Variants in CRB1 observed in about 807,000 individuals in gnomAD.
CRB1 encodes crumbs cell polarity complex component 1, also known as protein crumbs homolog 1.
A neutral mutation model predicts 120.0 loss-of-function variants in CRB1; 83 were observed. The observed-to-expected ratio is 0.69, with a 90% CI of 0.58 to 0.83. The LOEUF (loss-of-function observed/expected upper bound fraction) is 0.83, where lower values mean the gene tolerates loss of function less well. CRB1 is among the 40% of genes least tolerant of loss of function. The pLI, the probability that CRB1 is intolerant of heterozygous loss-of-function variation, is 0.00. For synonymous variants in CRB1, 625 were observed against 612.5 expected (o/e 1.02, Z -0.30); for missense variants, 1,699 against 1,687.6 (o/e 1.01, Z -0.12).
At chr1:197,418,159 C>T (rs1664103810) in intron 5 of CRB1, among the ~76,000 whole-genome samples, 1 of 151,990 alleles carries the variant, frequency 6.6e-6, no homozygotes, top group Admixed American at 6.5e-5. Flanking sequence ...ATAGTTTTAC[C>T]CTCAATCAAA....
At chr1:197,464,482 T>A (rs1365292250) in intron 11 of CRB1, among the ~76,000 whole-genome samples, 1 of 152,080 alleles carries the variant, frequency 6.6e-6, no homozygotes, top group Non-Finnish European at 1.5e-5. Context: ...GTATTTTTTT[T>A]TTTAAAGGGG....
Position 197,435,136 on chromosome 1 carries a change from G to A in CRB1, c.3273G>A (p.Lys1091=), listed in dbSNP as rs2125499953. 5 of 1,613,842 alleles carry A rather than the reference G, an allele frequency of 3.1e-6. No individual in the cohort carries two copies. Among genetic ancestry groups the A allele is most frequent in the African/African-American group, 1.3e-5 (1 of 75,008 alleles). The part of the protein sequence containing the change: ...YVGDRAIDNI[K]GLQGCLSTIE... ...GAGACAGAGCTATTGACAATATAAA[G>A]GGCCTGCAAGGGTGTCTAAGTACAA... is the stretch of plus-strand genomic sequence containing the variant. Residue 1091 remains lysine (K), a synonymous_variant, in exon 9 of 12, where the codon AAG becomes AAA. Coordinates refer to ENST00000367400, the MANE Select transcript of CRB1 (RefSeq NM_201253.3).
intron 1 of CRB1, among the ~76,000 whole-genome samples, chr1:197,320,812 AAATT>A (rs1402022500): frequency 6.6e-6 from 1 of 152,240 alleles, no homozygotes; most frequent in Non-Finnish European, 1.5e-5. Flanking sequence ...ACTATTAATT[AAATT>A]AATTGATTTG....
intron 1 of CRB1, among the ~76,000 whole-genome samples, chr1:197,320,789 G>A (rs1658144846): frequency 6.6e-6 from 1 of 152,072 alleles, no homozygotes; most frequent in Admixed American, 6.6e-5. Context: ...ATCAAGTAAA[G>A]CACTCTTATT....
intron 2 of CRB1, among the ~76,000 whole-genome samples, chr1:197,333,644 T>G (rs1404852230): frequency 6.6e-6 from 1 of 152,328 alleles, no homozygotes; most frequent in East Asian, 1.9e-4. Flanking sequence ...AATAAGAAAA[T>G]GCACTATATT....
chr1:197,252,580 A>ATG, the CRB1 span, among the ~76,000 whole-genome samples: 68 of 22,316 alleles, frequency 3.0e-3, no homozygotes, highest in Admixed American at 4.8e-3. Flanking sequence ...ATATATATAT[A>ATG]TATGTGTGTG....
chr1:197,449,346 G>T (rs1282020756), intron 11 of CRB1, among the ~76,000 whole-genome samples: 2 of 151,890 alleles, frequency 1.3e-5, no homozygotes, highest in Admixed American at 1.3e-4. Context: ...ATGTTTTTCA[G>T]AAAAATATTA....
intron 2 of CRB1, among the ~76,000 whole-genome samples, chr1:197,343,427 A>G (rs1200610264): frequency 6.6e-6 from 1 of 152,180 alleles, no homozygotes; most frequent in Non-Finnish European, 1.5e-5. Flanking sequence ...TATAAATCAT[A>G]AACTTATTTT....
At chr1:197,322,171 T>G (rs906374652) in intron 1 of CRB1, among the ~76,000 whole-genome samples, 2 of 152,096 alleles carry the variant, frequency 1.3e-5, no homozygotes, top group Admixed American at 1.3e-4. Context: ...TTAAAAAGTG[T>G]AAATATTTCA....
At chr1:197,230,202 A>G in the CRB1 span, among the ~76,000 whole-genome samples, 4 of 152,194 alleles carry the variant, frequency 2.6e-5, no homozygotes, top group African/African-American at 4.8e-5. Context: ...CAATATTACT[A>G]TAAAGTCTTA....
At chr1:197,257,629 A>G in the CRB1 span, among the ~76,000 whole-genome samples, 1 of 152,128 alleles carries the variant, frequency 6.6e-6, no homozygotes, top group South Asian at 2.1e-4. Flanking sequence ...TTTTATATTT[A>G]CAGACTTCAG....
intron 4 of CRB1, among the ~76,000 whole-genome samples, chr1:197,351,810 C>G (rs949582191): frequency 1.3e-5 from 2 of 152,152 alleles, no homozygotes; most frequent in Non-Finnish European, 2.9e-5. Flanking sequence ...AGTTCTGCCT[C>G]TGGGTTTCTG....
intron 11 of CRB1, among the ~76,000 whole-genome samples, chr1:197,462,706 C>T (rs1345711069): frequency 6.6e-6 from 1 of 152,046 alleles, no homozygotes; most frequent in East Asian, 1.9e-4. Flanking sequence ...TCAAACTTTC[C>T]ATCAAAGTCA....
the CRB1 span, among the ~76,000 whole-genome samples, chr1:197,238,579 C>T: frequency 1.3e-5 from 2 of 152,160 alleles, no homozygotes; most frequent in Admixed American, 6.5e-5. Flanking sequence ...GTTGCAGTGG[C>T]TCATGCCTGT....
chr1:197,203,458 G>T, the CRB1 span, among the ~76,000 whole-genome samples: 12 of 152,074 alleles, frequency 7.9e-5, no homozygotes, highest in Non-Finnish European at 8.8e-5. Context: ...CCCGAGTAGT[G>T]TGACTACAGG....
rs575044503 is a variant in CRB1, at chr1:197,350,552, C to T, written c.988+3073C>T. On this transcript the variant is annotated intron_variant, in intron 4 of 11. Transcript: ENST00000367400. ...TCAAGCATTTAAGCCACATGGATTT[C>T]AGTGGCTAATACAATAGGGATCTGG... 2.0e-5 allele frequency among the ~76,000 whole-genome samples: 3 copies of T among 152,328 alleles called. No homozygotes were observed. In the East Asian group the frequency reaches 5.8e-4, roughly 29 times the overall value.
chr1:197,242,560 G>A, the CRB1 span, among the ~76,000 whole-genome samples: 2 of 152,136 alleles, frequency 1.3e-5, no homozygotes, highest in Non-Finnish European at 2.9e-5. Context: ...TTTTTGATGT[G>A]CTGCTGGATT....
chr1:197,256,410 G>C, the CRB1 span, among the ~76,000 whole-genome samples: 1 of 151,602 alleles, frequency 6.6e-6, no homozygotes, highest in African/African-American at 2.4e-5. Flanking sequence ...TCTCCAAATG[G>C]CTTAATGTGC....
the CRB1 span, among the ~76,000 whole-genome samples, chr1:197,258,058 T>C: frequency 6.6e-6 from 1 of 152,236 alleles, no homozygotes; most frequent in East Asian, 1.9e-4. Flanking sequence ...CTTGATATTA[T>C]CTTTTATTCT....
Sources: allele counts gnomAD v4.1 joint callset (sites outside exome capture counted in the v4.1 genomes callset), GRCh38; gene constraint gnomAD v4.1.1; transcripts MANE v1.5; gene names NCBI Gene and HGNC (gene_info 2026-07-23, HGNC 2026-07-21).